The following BPTF variants were observed in gnomAD, a reference collection of about 807,000 sequenced individuals.
BPTF encodes the protein nucleosome-remodeling factor subunit BPTF.
In BPTF, 18 loss-of-function variants were observed where a neutral mutation model predicts 292.5. That is an observed-to-expected ratio of 0.06 (90% CI 0.04 to 0.09). The LOEUF is 0.09. BPTF is among the 10% of genes least tolerant of loss of function. The pLI is 1.00. For missense variants in BPTF, 2,726 were observed against 3,498.7 expected, an observed-to-expected ratio of 0.78 and a Z score of 5.57; for synonymous variants, 1,225 against 1,251.9, an observed-to-expected ratio of 0.98 and a Z score of 0.45.
intron 24 of BPTF, chr17:67,963,212 A>G: frequency 8.4e-7 from 1 of 1,194,822 alleles, no homozygotes; most frequent in Non-Finnish European, 1.1e-6. Flanking sequence ...AGAAATGTTT[A>G]GCTGACTCAT....
chr17:67,920,209 T>C, intron 13 of BPTF, 66 bp downstream of exon 13: 1 of 1,525,836 alleles, frequency 6.6e-7, no homozygotes, highest in South Asian at 1.2e-5. Context: ...AATTGAAATT[T>C]GATATAATTT....
At chr17:67,829,766 A>T (rs2056491449) in intron 1 of BPTF, among the ~76,000 whole-genome samples, 1 of 152,176 alleles carries the variant, frequency 6.6e-6, no homozygotes, top group Non-Finnish European at 1.5e-5. Context: ...AATTTAGAGT[A>T]ATTTGATTAA....
intron 25 of BPTF, 130 bp downstream of exon 25, chr17:67,964,534 C>T (rs1428502757): frequency 9.0e-7 from 1 of 1,107,472 alleles, no homozygotes; most frequent in African/African-American, 1.6e-5. Flanking sequence ...AGTGAAGTGC[C>T]TAACAAACTG....
intron 26 of BPTF, among the ~76,000 whole-genome samples, chr17:67,970,654 G>A (rs961989940): frequency 6.6e-6 from 1 of 152,028 alleles, no homozygotes; most frequent in Non-Finnish European, 1.5e-5. Flanking sequence ...TTTTCTTTGA[G>A]GATATAAGGG....
intron 26 of BPTF, among the ~76,000 whole-genome samples, chr17:67,972,106 T>A (rs1006632801): frequency 3.3e-5 from 5 of 152,220 alleles, no homozygotes; most frequent in African/African-American, 1.2e-4. Flanking sequence ...AGGCCAGTGT[T>A]ACCATTTTTA....
intron 11 of BPTF, among the ~76,000 whole-genome samples, chr17:67,913,501 A>G (rs1358306049): frequency 6.6e-6 from 1 of 152,200 alleles, no homozygotes; most frequent in East Asian, 1.9e-4. Context: ...TTTCTGAGTT[A>G]CTGCTCTGGG....
At chr17:67,920,201 T>G in intron 13 of BPTF, 58 bp downstream of exon 13, 2 of 1,534,326 alleles carry the variant, frequency 1.3e-6, no homozygotes, top group South Asian at 2.4e-5. Flanking sequence ...ATTTTATGAA[T>G]TGAAATTTGA....
chr17:67,960,351 T>A (rs2067358988), intron 24 of BPTF: 1 of 152,356 alleles, frequency 6.6e-6, no homozygotes, highest in South Asian at 2.1e-4. Context: ...AGTTGTTTTT[T>A]TTTGTATTAA....
chr17:67,971,581 G>A (rs902305002), intron 26 of BPTF, among the ~76,000 whole-genome samples: 47 of 151,826 alleles, frequency 3.1e-4, no homozygotes, highest in African/African-American at 1.1e-3. Context: ...TGAGGCAGGC[G>A]GATCATGAGT....
chr17:67,863,866 C>A (rs1294801294), intron 2 of BPTF, among the ~76,000 whole-genome samples: 1 of 152,218 alleles, frequency 6.6e-6, no homozygotes, highest in Non-Finnish European at 1.5e-5. Flanking sequence ...CATTAACCTT[C>A]TACTTAGCTA....
intron 1 of BPTF, among the ~76,000 whole-genome samples, chr17:67,842,733 A>G (rs1253562711): frequency 6.6e-6 from 1 of 151,386 alleles, no homozygotes; most frequent in Non-Finnish European, 1.5e-5. Context: ...TAATTCATGT[A>G]ACTGCAGAAC....
In BPTF at chr17:67,904,826, A is replaced by G. The variant is rs753210939; in HGVS notation, c.2798A>G (p.Lys933Arg). 3 of 1,611,608 alleles carry G rather than the reference A, an allele frequency of 1.9e-6. No individual in the cohort carries two copies. The highest frequency in any genetic ancestry group is 2.5e-6 in the Non-Finnish European group (3 of 1,178,576). ...GGCAATACTAATGTGAATTACAGAA[A>G]GTCGTTAGAAGGAAGTAAGTAATTA... ...LPGNTNVNYR[K>R]SLEGTKNNMD... The change falls in exon 9 of 28, where the codon AAG becomes AGG. Residue 933 changes from lysine to arginine, a missense_variant. Coordinates refer to ENST00000306378, the MANE Select transcript of BPTF (RefSeq NM_182641.4).
At position 67,856,383 on chromosome 17, in the gene BPTF, A is replaced by G. The variant is rs148821862; in HGVS notation, c.1436+1621A>G. ...TTCTCTTACCTTTCTGAGGCTATTA[A>G]TGACAGGTTTTTTTCTCTCCTCTGT... On this transcript the variant is annotated intron_variant, in intron 2 of 27. Transcript: ENST00000306378. Among the ~76,000 whole-genome samples, 161 of 152,110 alleles carry G rather than the reference A, an allele frequency of 1.1e-3. 1 individual carries two copies. Among genetic ancestry groups the G allele is most frequent in the African/African-American group, 3.6e-3 (148 of 41,502 alleles).
intron 26 of BPTF, among the ~76,000 whole-genome samples, chr17:67,968,288 A>C (rs550751598): frequency 3.1e-4 from 47 of 151,582 alleles, no homozygotes; most frequent in Non-Finnish European, 6.5e-4. Flanking sequence ...GAAATAAATG[A>C]AAACTATCTC....
chr17:67,830,705 G>A lies in BPTF; in HGVS notation c.613+4368G>A, dbSNP rs540852495. ...AAGTGTGGGCAGTCTCAAGTAACTC[G>A]GTTTAGCAAGAGCCTGAGTGTGTGA... On this transcript the variant is annotated intron_variant, in intron 1 of 27. Transcript: ENST00000306378. 2.0e-5 allele frequency among the ~76,000 whole-genome samples: 3 copies of A among 152,248 alleles called. No individual in the cohort carries two copies. The South Asian group carries it at 6.2e-4, about 32-fold the overall frequency.
rs190401206 is a variant in BPTF at position 67,857,412 on chromosome 17, G to C, written c.1436+2650G>C. ...CCTGACCTTGTGATCTGTCTGCCTC[G>C]GCCTCCCAAAGTGCTGGGATTACAG... On this transcript the variant is annotated intron_variant, in intron 2 of 27. Coordinates refer to ENST00000306378, the MANE Select transcript of BPTF (RefSeq NM_182641.4). Among the ~76,000 whole-genome samples, 3 of 150,864 alleles carry C rather than the reference G, an allele frequency of 2.0e-5. No homozygotes were observed. The East Asian group carries it at 5.9e-4, about 29-fold the overall frequency.
At chr17:67,861,932 G>A (rs1304712962) in intron 2 of BPTF, among the ~76,000 whole-genome samples, 4 of 151,960 alleles carry the variant, frequency 2.6e-5, no homozygotes, top group Non-Finnish European at 5.9e-5. Context: ...CTCTTGCATC[G>A]TGAAATACTA....
At chr17:67,832,897 C>G (rs920097957) in intron 1 of BPTF, among the ~76,000 whole-genome samples, 2 of 149,186 alleles carry the variant, frequency 1.3e-5, no homozygotes, top group African/African-American at 5.0e-5. Context: ...AAGCGATTCT[C>G]CTGCCTCAGC....
chr17:67,838,390 A>G (rs1392322524), intron 1 of BPTF, among the ~76,000 whole-genome samples: 1 of 152,212 alleles, frequency 6.6e-6, no homozygotes, highest in Non-Finnish European at 1.5e-5. Context: ...CTTTATCAGG[A>G]AAGTAATGTA....
Sources: allele counts gnomAD v4.1 joint callset (sites outside exome capture counted in the v4.1 genomes callset), GRCh38; gene constraint gnomAD v4.1.1; transcripts MANE v1.5; gene names NCBI Gene and HGNC (gene_info 2026-07-23, HGNC 2026-07-21).